TXNDC12: variants seen among roughly 807,000 people sequenced by gnomAD.
The protein encoded by TXNDC12 is thioredoxin domain-containing protein 12.
In TXNDC12, 22 loss-of-function variants were observed where a neutral mutation model predicts 24.2. That is an observed-to-expected ratio of 0.91 (90% CI 0.65 to 1.30). TXNDC12 has a LOEUF of 1.30. Ranked by LOEUF, TXNDC12 falls within the 50% of genes most tolerant of loss-of-function variation. The pLI, the probability that TXNDC12 is intolerant of heterozygous loss-of-function variation, is 0.00. For missense variants in TXNDC12, 184 were observed against 205.8 expected (o/e 0.89, Z 0.65); for synonymous variants, 58 against 73.4 (o/e 0.79, Z 1.07).
chr1:52,033,315 G>A (rs776577025), intron 2 of TXNDC12: 3 of 1,613,894 alleles, frequency 1.9e-6, no homozygotes, highest in East Asian at 2.2e-5. Context: ...TGAGGACGCT[G>A]CTGCCCGCCG....
intron 2 of TXNDC12, among the ~76,000 whole-genome samples, chr1:52,040,056 C>T (rs545179993): frequency 2.0e-5 from 3 of 152,030 alleles, no homozygotes; most frequent in Non-Finnish European, 4.4e-5. Flanking sequence ...TTCAGCCTCC[C>T]CTAGTAGCTG....
chr1:52,024,156 G>C (rs1007143386), intron 5 of TXNDC12, among the ~76,000 whole-genome samples: 1 of 151,850 alleles, frequency 6.6e-6, no homozygotes, highest in Admixed American at 6.6e-5. Flanking sequence ...CACCACACCC[G>C]GCTAATTTTT....
At chr1:52,033,841 A>C (rs1362895543) in intron 2 of TXNDC12, 1 of 1,462,756 alleles carries the variant, frequency 6.8e-7, no homozygotes, top group Non-Finnish European at 9.0e-7. Flanking sequence ...CCGGAAGTGC[A>C]AACTGCTCTT....
At chr1:52,033,789 G>A (rs1285831835) in intron 2 of TXNDC12, 6 of 1,540,396 alleles carry the variant, frequency 3.9e-6, no homozygotes, top group Admixed American at 3.9e-5. Context: ...ATTGGCAACC[G>A]CGCTGCGCCA....
chr1:52,027,164 A>C, intron 4 of TXNDC12, 111 bp downstream of exon 4: 1 of 723,752 alleles, frequency 1.4e-6, no homozygotes, highest in Non-Finnish European at 2.3e-6. Context: ...AAAAACACAT[A>C]CATAAATTTG....
chr1:52,042,186 T>G (rs1364096813), intron 1 of TXNDC12, among the ~76,000 whole-genome samples: 1 of 152,216 alleles, frequency 6.6e-6, no homozygotes, highest in Non-Finnish European at 1.5e-5. Flanking sequence ...TTCCCACAAT[T>G]CACCCAGAGT....
chr1:52,041,677 G>T, intron 1 of TXNDC12, 80 bp from the exon 2 acceptor site: 1 of 920,708 alleles, frequency 1.1e-6, no homozygotes, highest in Non-Finnish European at 1.7e-6. Context: ...ATGTTCACAA[G>T]ATACCCACTA....
rs112053753 is a variant in TXNDC12, at chr1:52,033,690, C to G, written c.159-5060G>C. 2,378 of 1,611,028 alleles carry G rather than the reference C, an allele frequency of 1.5e-3. 36 individuals carry two copies. The African/African-American group carries it at 0.028, about 19-fold the overall frequency. On this transcript the variant is annotated intron_variant, in intron 2 of 6. Transcript: ENST00000371626. ...ACACCGCGCGGCCCTCGGCAGCCAG[C>G]GCCACGCGCAACTCTTCAGCACGCC...
At chr1:52,055,407 T>C, upstream of TXNDC12, 1 of 308,702 alleles carries the variant, frequency 3.2e-6, no homozygotes, top group Non-Finnish European at 6.3e-6. Context: ...GCCAAGATAG[T>C]AGGGGCGGGG....
chr1:52,051,398 C>T (rs1686198845), intron 1 of TXNDC12, among the ~76,000 whole-genome samples: 1 of 152,014 alleles, frequency 6.6e-6, no homozygotes, highest in African/African-American at 2.4e-5. Flanking sequence ...TTTTTTGAGA[C>T]AGAGTATCAC....
intron 2 of TXNDC12, chr1:52,032,570 G>C: frequency 7.1e-7 from 1 of 1,418,046 alleles, no homozygotes; most frequent in Middle Eastern, 2.6e-4. Flanking sequence ...AAGTTTGAGT[G>C]AATCAGTCAC....
chr1:52,055,849 A>G (rs1333920647), upstream of TXNDC12: 5 of 152,274 alleles, frequency 3.3e-5, no homozygotes, highest in African/African-American at 1.2e-4. Context: ...ACACCAGGAT[A>G]TAAGTCACTG....
At position 52,054,992 on chromosome 1, in the gene TXNDC12, G is replaced by C. The variant is rs1049718179; in HGVS notation, c.97+8C>G. The stretch of plus-strand genomic sequence containing the variant: ...ATCAGTAAAGAGAAGATAAGAACGC[G>C]GTCTGACCCTTTCCAAGCCCATTAT... On this transcript the variant is annotated splice_region_variant and intron_variant, in intron 1 of 6. Coordinates refer to ENST00000371626, the MANE Select transcript of TXNDC12 (RefSeq NM_015913.4). 1.9e-6 allele frequency: 3 copies of C among 1,603,652 alleles called. No homozygotes were observed. The highest frequency in any genetic ancestry group is 3.3e-5 in the Admixed American group (2 of 60,010).
rs1685771854 is a variant in TXNDC12 at position 52,032,087 on chromosome 1, G to A, written c.159-3457C>T. The A allele has an allele frequency of 4.4e-6, 4 of 918,322 alleles. No individual in the cohort carries two copies. In the South Asian group the frequency reaches 1.5e-4, roughly 35 times the overall value. 56.9% of individuals were successfully genotyped at this position (918,322 alleles called of 1,614,324 possible). ...CATGAAGTTACACAGGGAACATTAA[G>A]TGAAAGAGATTCCAGTAGACTATTT... On this transcript the variant is annotated intron_variant, in intron 2 of 6. Coordinates refer to ENST00000371626, the MANE Select transcript of TXNDC12 (RefSeq NM_015913.4).
At chr1:52,035,446 G>A (rs1301217957) in intron 2 of TXNDC12, among the ~76,000 whole-genome samples, 3 of 152,080 alleles carry the variant, frequency 2.0e-5, no homozygotes, top group African/African-American at 7.2e-5. Context: ...ATGGTGGCTC[G>A]CGCCTGTAAT....
chr1:52,025,526 T>C (rs1043986299), intron 4 of TXNDC12, among the ~76,000 whole-genome samples: 3 of 152,194 alleles, frequency 2.0e-5, no homozygotes, highest in African/African-American at 7.2e-5. Flanking sequence ...CCTAATCAGT[T>C]TTCTTTTTAA....
intron 1 of TXNDC12, among the ~76,000 whole-genome samples, chr1:52,046,163 C>T (rs911667700): frequency 1.3e-5 from 2 of 150,724 alleles, no homozygotes; most frequent in Admixed American, 1.3e-4. Context: ...TGCCCCACTG[C>T]ACTCCAGCCT....
chr1:52,033,667 A>C, intron 2 of TXNDC12: 1 of 1,611,006 alleles, frequency 6.2e-7, no homozygotes, highest in Non-Finnish European at 8.5e-7. Flanking sequence ...CACCACGTAC[A>C]CCGCGCGGCC....
Position 52,021,031 on chromosome 1 carries a change from AG to A in TXNDC12, c.440-20del, listed in dbSNP as rs1156804388. 2.5e-6 allele frequency: 4 copies of A among 1,589,664 alleles called. No individual in the cohort carries two copies. The highest frequency in any genetic ancestry group is 3.5e-6 in the Non-Finnish European group (4 of 1,157,774). On this transcript the variant is annotated intron_variant, in intron 6 of 6. Coordinates refer to ENST00000371626, the MANE Select transcript of TXNDC12 (RefSeq NM_015913.4). ...TGAACAACTGTGAAATAAAGATTGG[AG>A]GAAAAAAGTATGAAGTAAGTAATGT... is the stretch of plus-strand genomic sequence containing the variant.
Sources: allele counts gnomAD v4.1 joint callset (sites outside exome capture counted in the v4.1 genomes callset), GRCh38; gene constraint gnomAD v4.1.1; transcripts MANE v1.5; gene names NCBI Gene and HGNC (gene_info 2026-07-23, HGNC 2026-07-21).